The following PTPRT variants were observed in gnomAD, a reference collection of about 807,000 sequenced individuals.
PTPRT encodes the protein protein tyrosine phosphatase receptor type T.
In PTPRT, 56 loss-of-function variants were observed where a neutral mutation model predicts 176.8. The observed-to-expected ratio is 0.32, with a 90% CI of 0.26 to 0.40. PTPRT has a LOEUF of 0.40. Ranked by LOEUF, PTPRT falls within the 10% of genes least tolerant of loss-of-function variation. The pLI is 1.00. For synonymous variants in PTPRT, 783 were observed against 739.0 expected (o/e 1.06, Z -0.96); for missense variants, 1,540 against 1,908.2 (o/e 0.81, Z 3.60).
chr20:42,480,131 T>C (rs779489836), intron 7 of PTPRT, among the ~76,000 whole-genome samples: 23 of 152,200 alleles, frequency 1.5e-4, no homozygotes, highest in Non-Finnish European at 3.1e-4. Context: ...CATCATGACA[T>C]GGGGAAAAGA....
chr20:42,779,091 A>G (rs868346170), intron 4 of PTPRT, among the ~76,000 whole-genome samples: 22 of 152,240 alleles, frequency 1.4e-4, no homozygotes, highest in African/African-American at 4.6e-4. Flanking sequence ...AGGGGCTCTA[A>G]GACAATGAGT....
chr20:42,440,769 G>GCA (rs2059308726), intron 9 of PTPRT, among the ~76,000 whole-genome samples: 1 of 152,222 alleles, frequency 6.6e-6, no homozygotes, highest in East Asian at 1.9e-4. Context: ...GAGCCACCAT[G>GCA]CCCGGCCTGT....
chr20:42,560,542 C>A (rs1398097580), intron 7 of PTPRT, among the ~76,000 whole-genome samples: 2 of 152,168 alleles, frequency 1.3e-5, no homozygotes, highest in Non-Finnish European at 2.9e-5. Flanking sequence ...GGAATATTGC[C>A]AATTTCTCAT....
At chr20:42,425,945 G>A (rs2059159366) in intron 9 of PTPRT, among the ~76,000 whole-genome samples, 1 of 152,158 alleles carries the variant, frequency 6.6e-6, no homozygotes, top group African/African-American at 2.4e-5. Flanking sequence ...GGTGCTGCCA[G>A]AACATAGAGG....
At chr20:42,949,406 G>A (rs183026013) in intron 1 of PTPRT, among the ~76,000 whole-genome samples, 2 of 152,348 alleles carry the variant, frequency 1.3e-5, no homozygotes, top group African/African-American at 2.4e-5. Context: ...AAAAAGCCAT[G>A]TAGAGACAGA....
At chr20:43,116,850 A>C (rs1445419497) in intron 1 of PTPRT, among the ~76,000 whole-genome samples, 1 of 152,226 alleles carries the variant, frequency 6.6e-6, no homozygotes, top group South Asian at 2.1e-4. Flanking sequence ...ATGTGGTTGA[A>C]GCATGGCTGT....
At chr20:42,696,313 C>T (rs1253568163) in intron 6 of PTPRT, among the ~76,000 whole-genome samples, 2 of 150,690 alleles carry the variant, frequency 1.3e-5, no homozygotes, top group African/African-American at 2.4e-5. Context: ...CGCTTCCTCC[C>T]TCCCTCCCTC....
At chr20:42,439,198 T>A (rs938762895) in intron 9 of PTPRT, among the ~76,000 whole-genome samples, 3 of 152,092 alleles carry the variant, frequency 2.0e-5, no homozygotes, top group Non-Finnish European at 4.4e-5. Context: ...CTCCTAGACA[T>A]CCCAGGGCCC....
At chr20:42,552,260 A>C (rs1601250482) in intron 7 of PTPRT, among the ~76,000 whole-genome samples, 1 of 152,286 alleles carries the variant, frequency 6.6e-6, no homozygotes, top group South Asian at 2.1e-4. Context: ...TACCTCCTTA[A>C]CCTGAATTGG....
intron 6 of PTPRT, among the ~76,000 whole-genome samples, chr20:42,690,349 A>G (rs775609480): frequency 3.3e-5 from 5 of 152,210 alleles, no homozygotes; most frequent in African/African-American, 4.8e-5. Flanking sequence ...AGGGGGACCA[A>G]TAAGGAAGTT....
intron 9 of PTPRT, among the ~76,000 whole-genome samples, chr20:42,368,610 G>A (rs971146576): frequency 3.9e-5 from 6 of 152,212 alleles, no homozygotes; most frequent in Admixed American, 1.3e-4. Flanking sequence ...TGTGAGGAAA[G>A]CAACTCAGAG....
At chr20:42,562,067 C>T (rs1394374019) in intron 7 of PTPRT, among the ~76,000 whole-genome samples, 3 of 152,174 alleles carry the variant, frequency 2.0e-5, no homozygotes, top group Non-Finnish European at 2.9e-5. Context: ...TCAGTTGCTT[C>T]GTCTGTAAAC....
intron 1 of PTPRT, among the ~76,000 whole-genome samples, chr20:42,918,911 T>C (rs1411604462): frequency 6.6e-6 from 1 of 152,138 alleles, no homozygotes; most frequent in Non-Finnish European, 1.5e-5. Context: ...CTAGTTTCTT[T>C]CCACTCCTCA....
At chr20:42,898,732 C>A (rs966708117) in intron 1 of PTPRT, among the ~76,000 whole-genome samples, 3 of 152,158 alleles carry the variant, frequency 2.0e-5, no homozygotes, top group Admixed American at 6.5e-5. Context: ...TGTCTTCTCA[C>A]GGGCCCCAGC....
At chr20:42,864,434 C>T (rs1244446968) in intron 2 of PTPRT, among the ~76,000 whole-genome samples, 1 of 152,146 alleles carries the variant, frequency 6.6e-6, no homozygotes. Context: ...CATGCTGAGT[C>T]CCAGCTCTGA....
At chr20:42,500,356 A>T (rs1048139375) in intron 7 of PTPRT, among the ~76,000 whole-genome samples, 2 of 151,934 alleles carry the variant, frequency 1.3e-5, no homozygotes, top group Non-Finnish European at 2.9e-5. Flanking sequence ...TGCTATTTTA[A>T]TATTTTTGAA....
intron 1 of PTPRT, among the ~76,000 whole-genome samples, chr20:43,058,596 A>G (rs1038665559): frequency 2.6e-5 from 4 of 152,182 alleles, no homozygotes; most frequent in African/African-American, 7.2e-5. Flanking sequence ...TGTAATGTGA[A>G]CAATATGTCA....
At chr20:43,000,152 C>A (rs1286183878) in intron 1 of PTPRT, among the ~76,000 whole-genome samples, 1 of 151,762 alleles carries the variant, frequency 6.6e-6, no homozygotes, top group East Asian at 1.9e-4. Flanking sequence ...ATACCCAACC[C>A]TTTCTTCTTT....
intron 14 of PTPRT, among the ~76,000 whole-genome samples, chr20:42,241,132 C>G (rs2056345732): frequency 6.6e-6 from 1 of 152,126 alleles, no homozygotes; most frequent in East Asian, 1.9e-4. Context: ...TTTAAAGAGC[C>G]TGTATTAATA....
Sources: gnomAD v4.1 joint callset for allele counts (sites outside exome capture counted in the v4.1 genomes callset) on GRCh38, gnomAD v4.1.1 for gene constraint, MANE v1.5 for transcripts, NCBI Gene and HGNC (gene_info 2026-07-23, HGNC 2026-07-21) for gene names.